Variants in B4GALT1 observed in about 807,000 individuals in gnomAD.
B4GALT1 encodes the protein beta-1,4-galactosyltransferase 1.
Under a neutral mutation model 34.9 loss-of-function variants are expected in B4GALT1, and 16 were observed. That is an observed-to-expected ratio of 0.46 (90% confidence interval 0.31 to 0.70). B4GALT1 has a LOEUF of 0.70. Among genes scored for constraint, B4GALT1 ranks in the 30% least tolerant of loss-of-function variants. The probability of loss-of-function intolerance (pLI) is 0.05; values close to 1 mark genes in which losing one functional copy is unlikely to be tolerated. For synonymous variants in B4GALT1, 221 were observed against 218.1 expected, an observed-to-expected ratio of 1.01 and a Z score of -0.12; for missense variants, 445 against 530.5, an observed-to-expected ratio of 0.84 and a Z score of 1.58.
At chr9:33,151,346 C>A (rs1271519586) in intron 1 of B4GALT1, among the ~76,000 whole-genome samples, 1 of 152,226 alleles carries the variant, frequency 6.6e-6, no homozygotes, top group Non-Finnish European at 1.5e-5. Flanking sequence ...AGCTGCCCCT[C>A]TAATCAGTTT....
At chr9:33,171,754 G>A (rs544071195), upstream of B4GALT1, among the ~76,000 whole-genome samples, 6 of 152,204 alleles carry the variant, frequency 3.9e-5, no homozygotes, top group Admixed American at 3.3e-4. Flanking sequence ...GAGATGTTGC[G>A]ATATTGCTCA....
upstream of B4GALT1, among the ~76,000 whole-genome samples, chr9:33,168,813 C>G (rs1171100752): frequency 6.6e-6 from 1 of 152,260 alleles, no homozygotes; most frequent in East Asian, 1.9e-4. Context: ...CCCTGACCTC[C>G]AGATTCAACT....
rs869 is a variant in B4GALT1 at position 33,113,123 on chromosome 9, G to A, written c.*331C>T. Reference sequence around the variant, plus strand: ...AAAGAAAAATTCTAACCTATTTCACGACAATTTAGCAATTCTATCACCGGG... The same window carrying A: ...AAAGAAAAATTCTAACCTATTTCACAACAATTTAGCAATTCTATCACCGGG... On this transcript the variant is annotated 3_prime_UTR_variant, in exon 6 of 6. Transcript: ENST00000379731. 0.47 allele frequency: 156,331 copies of A among 330,260 alleles called. 39,069 individuals are homozygous for A. The highest frequency in any genetic ancestry group is 0.71 in the East Asian group (11,239 of 15,920). The allele number at this position is 330,260 out of a possible 1,614,324, so 20.5% of individuals were successfully genotyped here.
At chr9:33,146,738 G>T (rs1840431414) in intron 1 of B4GALT1, among the ~76,000 whole-genome samples, 1 of 151,326 alleles carries the variant, frequency 6.6e-6, no homozygotes. Context: ...CTGTCACTCA[G>T]GCTGGAGTGC....
intron 1 of B4GALT1, among the ~76,000 whole-genome samples, chr9:33,138,518 C>T: frequency 6.6e-6 from 1 of 152,138 alleles, no homozygotes; most frequent in East Asian, 1.9e-4. Context: ...ACGTGAGTGT[C>T]CAGCATAGGA....
chr9:33,147,050 G>A (rs1840436340), intron 1 of B4GALT1, among the ~76,000 whole-genome samples: 1 of 152,090 alleles, frequency 6.6e-6, no homozygotes, highest in Admixed American at 6.5e-5. Context: ...GGAATCACAG[G>A]AGGAAGGAAT....
chr9:33,116,449 C>T (rs912459321), intron 3 of B4GALT1, among the ~76,000 whole-genome samples: 1 of 149,478 alleles, frequency 6.7e-6, no homozygotes, highest in Non-Finnish European at 1.5e-5. Context: ...GTCTTGATCT[C>T]TTAACCTCGT....
chr9:33,109,579 G>A (rs1457167395), downstream of B4GALT1, among the ~76,000 whole-genome samples: 2 of 152,224 alleles, frequency 1.3e-5, no homozygotes, highest in Admixed American at 6.5e-5. Context: ...GTGGCGGGAG[G>A]ATTGTGTGAG....
chr9:33,143,881 C>CTT (rs72218508), intron 1 of B4GALT1, among the ~76,000 whole-genome samples: 441 of 145,560 alleles, frequency 3.0e-3, no homozygotes, highest in Non-Finnish European at 3.8e-3. Flanking sequence ...GTTTGAATAT[C>CTT]TTTTTTTTTT....
At chr9:33,115,415 T>G (rs1006207205) in intron 4 of B4GALT1, among the ~76,000 whole-genome samples, 4 of 152,324 alleles carry the variant, frequency 2.6e-5, no homozygotes, top group African/African-American at 9.6e-5. Flanking sequence ...CTGATAGATG[T>G]TTTTTACCAC....
rs1364867576 is a variant in B4GALT1 at position 33,167,315 on chromosome 9, C to T, written c.-146G>A. 64 of 1,073,600 alleles carry T rather than the reference C, an allele frequency of 6.0e-5. No individual in the cohort carries two copies. The highest frequency in any genetic ancestry group is 1.8e-5 in the Non-Finnish European group (15 of 812,296). 66.5% of individuals were successfully genotyped at this position (1,073,600 alleles called of 1,614,324 possible). ...CGAGCGGCTGAGAGCTGAGACTCCT[C>T]CAGCCAGCCAGACCTGGGAGCGGCG... is the stretch of plus-strand genomic sequence containing the variant. On this transcript the variant is annotated 5_prime_UTR_variant, in exon 1 of 6. Transcript: ENST00000379731.
At chr9:33,150,578 A>G (rs933553572) in intron 1 of B4GALT1, among the ~76,000 whole-genome samples, 1 of 152,162 alleles carries the variant, frequency 6.6e-6, no homozygotes, top group African/African-American at 2.4e-5. Flanking sequence ...GTTGCCTGGG[A>G]TTAAGGGTGG....
rs1399686291 is a variant in B4GALT1, at chr9:33,111,067, C to T, written c.*2387G>A. 6.6e-6 allele frequency: 1 copy of T among 152,408 alleles called. No individual in the cohort carries two copies. Among genetic ancestry groups the T allele is most frequent in the African/African-American group, 2.4e-5 (1 of 41,356 alleles). 9.4% of individuals were successfully genotyped at this position (152,408 alleles called of 1,614,324 possible). On this transcript the variant is annotated 3_prime_UTR_variant, in exon 6 of 6. Coordinates refer to ENST00000379731, the MANE Select transcript of B4GALT1 (RefSeq NM_001497.4). ...TCCCTGAACCCCCAGCCCTGAAATCCCCAGTAAGGAAACAGGACCCGCGGC... is the reference window on the plus strand; with the variant it reads ...TCCCTGAACCCCCAGCCCTGAAATCTCCAGTAAGGAAACAGGACCCGCGGC...
At chr9:33,117,823 T>C (rs774361080) in intron 3 of B4GALT1, among the ~76,000 whole-genome samples, 10 of 152,312 alleles carry the variant, frequency 6.6e-5, no homozygotes, top group Middle Eastern at 6.8e-3. Flanking sequence ...ACATTATTAA[T>C]GTGAGGGTTT....
In B4GALT1 at chr9:33,128,348, T is replaced by C. The variant is rs560476621; in HGVS notation, c.648+6841A>G. ...GCAAGGGAAAAGGGGCCCATTCTGA[T>C]GACCACTGTTCCAATGCAAAAACAA... On this transcript the variant is annotated intron_variant, in intron 2 of 5. Transcript: ENST00000379731. Among the ~76,000 whole-genome samples, 3 of 152,314 alleles carry C rather than the reference T, an allele frequency of 2.0e-5. No homozygotes were observed. In the South Asian group the frequency reaches 6.2e-4, roughly 32 times the overall value.
At chr9:33,170,056 G>GC (rs1840826061), upstream of B4GALT1, among the ~76,000 whole-genome samples, 1 of 143,078 alleles carries the variant, frequency 7.0e-6, no homozygotes, top group Non-Finnish European at 1.5e-5. Context: ...TGCAAGCTCT[G>GC]CCTCCTGGGT....
chr9:33,157,813 G>C (rs1002243730), intron 1 of B4GALT1, among the ~76,000 whole-genome samples: 13 of 151,818 alleles, frequency 8.6e-5, no homozygotes, highest in African/African-American at 3.1e-4. Context: ...AACTTATTCT[G>C]TGTTAGGCAC....
At chr9:33,178,038 G>A in the B4GALT1 span, among the ~76,000 whole-genome samples, 6 of 142,064 alleles carry the variant, frequency 4.2e-5, no homozygotes, top group Admixed American at 3.7e-4. Flanking sequence ...TACCCAGGCT[G>A]GAGTGTACTG....
chr9:33,142,484 AT>A (rs1442709162), intron 1 of B4GALT1, among the ~76,000 whole-genome samples: 1 of 152,202 alleles, frequency 6.6e-6, no homozygotes, highest in Non-Finnish European at 1.5e-5. Flanking sequence ...GGAATAGTCT[AT>A]TCTTAATGCT....
Sources: gnomAD v4.1 joint callset for allele counts (sites outside exome capture counted in the v4.1 genomes callset) on GRCh38, gnomAD v4.1.1 for gene constraint, MANE v1.5 for transcripts, NCBI Gene and HGNC (gene_info 2026-07-23, HGNC 2026-07-21) for gene names.